LRMDA: variants seen among roughly 807,000 people sequenced by gnomAD.
The protein encoded by LRMDA is leucine rich melanocyte differentiation associated.
LRMDA carries 18 observed loss-of-function variants against 29.8 expected under a neutral mutation model. The observed-to-expected ratio is 0.60, with a 90% CI of 0.42 to 0.90. The LOEUF is 0.90. Ranked by LOEUF, LRMDA falls within the 40% of genes least tolerant of loss-of-function variation. The pLI, the probability that LRMDA is intolerant of heterozygous loss-of-function variation, is 0.00. For missense variants in LRMDA, 273 were observed against 273.9 expected (o/e 1.00, Z 0.02); for synonymous variants, 125 against 109.4 (o/e 1.14, Z -0.89).
At chr10:76,000,782 C>T (rs1847549771) in intron 2 of LRMDA, among the ~76,000 whole-genome samples, 1 of 152,116 alleles carries the variant, frequency 6.6e-6, no homozygotes, top group Admixed American at 6.6e-5. Context: ...CCGTGCCCTG[C>T]ATTTGAGGGT....
rs147238424 is a variant in LRMDA at position 76,343,198 on chromosome 10, T to G, written c.601+18713T>G. Among the ~76,000 whole-genome samples the G allele has an allele frequency of 4.4e-3, 672 of 152,314 alleles. 5 individuals carry two copies. The highest frequency in any genetic ancestry group is 0.022 in the South Asian group (107 of 4,828). On this transcript the variant is annotated intron_variant, in intron 6 of 6. Coordinates refer to ENST00000611255, the MANE Select transcript of LRMDA (RefSeq NM_001305581.2). ...TGTTGCAGGGTATGGAAGTACTACTTTACTCTTACAGAAGTATATTTACAG... is the reference window on the plus strand; with the variant it reads ...TGTTGCAGGGTATGGAAGTACTACTGTACTCTTACAGAAGTATATTTACAG...
chr10:76,274,681 C>T (rs564626844), intron 5 of LRMDA, among the ~76,000 whole-genome samples: 45 of 152,250 alleles, frequency 3.0e-4, no homozygotes, highest in African/African-American at 9.9e-4. Context: ...AATGATGGAA[C>T]ATCTCTACTT....
intron 6 of LRMDA, among the ~76,000 whole-genome samples, chr10:76,540,065 G>A (rs114448260): frequency 0.015 from 2,298 of 150,412 alleles, 21 homozygotes; most frequent in African/African-American, 0.038. Flanking sequence ...CACACAACAT[G>A]TAGTATGTGT....
chr10:76,150,855 A>T (rs1850427365), intron 5 of LRMDA, among the ~76,000 whole-genome samples: 1 of 152,226 alleles, frequency 6.6e-6, no homozygotes, highest in African/African-American at 2.4e-5. Flanking sequence ...AAACTTTTAG[A>T]TAAGCGCCAA....
At chr10:75,489,875 A>G (rs144107012) in intron 2 of LRMDA, among the ~76,000 whole-genome samples, 110 of 152,326 alleles carry the variant, frequency 7.2e-4, no homozygotes, top group Middle Eastern at 3.4e-3. Flanking sequence ...ATGGGTAATA[A>G]GAATAATGGC....
chr10:76,227,447 T>G (rs1026962121), intron 5 of LRMDA, among the ~76,000 whole-genome samples: 4 of 152,202 alleles, frequency 2.6e-5, no homozygotes, highest in Admixed American at 2.6e-4. Flanking sequence ...ACGTGGGGCA[T>G]TGTACCTACC....
intron 5 of LRMDA, among the ~76,000 whole-genome samples, chr10:76,276,508 C>T (rs572051377): frequency 2.0e-5 from 3 of 152,148 alleles, no homozygotes; most frequent in African/African-American, 7.2e-5. Flanking sequence ...TTTTTTATAG[C>T]TTTTGTATCT....
chr10:75,786,008 G>A lies in LRMDA; in HGVS notation c.132-250000G>A, dbSNP rs547367577. ...TAGAATTCACAAACAAATATTTATCGGGCACATGCTGTGTTCAAGGCCCAC... is the reference window on the plus strand; with the variant it reads ...TAGAATTCACAAACAAATATTTATCAGGCACATGCTGTGTTCAAGGCCCAC... On this transcript the variant is annotated intron_variant, in intron 2 of 6. Transcript: ENST00000611255. 2.6e-5 allele frequency among the ~76,000 whole-genome samples: 4 copies of A among 152,098 alleles called. 1 individual carries two copies. Among genetic ancestry groups the A allele is most frequent in the South Asian group, 4.2e-4 (2 of 4,810 alleles).
At chr10:75,860,174 C>T (rs1277671721) in intron 2 of LRMDA, among the ~76,000 whole-genome samples, 5 of 152,070 alleles carry the variant, frequency 3.3e-5, no homozygotes, top group African/African-American at 9.7e-5. Flanking sequence ...ATGAGAGGAG[C>T]CCAAGAGGTC....
At chr10:75,954,715 A>G (rs1846635761) in intron 2 of LRMDA, among the ~76,000 whole-genome samples, 2 of 152,200 alleles carry the variant, frequency 1.3e-5, no homozygotes, top group Admixed American at 1.3e-4. Flanking sequence ...TCCTGGTAAG[A>G]TTGAGAAAGT....
At chr10:76,489,815 A>G (rs907077845) in intron 6 of LRMDA, among the ~76,000 whole-genome samples, 6 of 150,974 alleles carry the variant, frequency 4.0e-5, no homozygotes, top group Admixed American at 6.6e-5. Flanking sequence ...AACAAACACT[A>G]TCTGTTCCCC....
At chr10:75,651,696 C>T (rs554808961) in intron 2 of LRMDA, among the ~76,000 whole-genome samples, 1 of 152,064 alleles carries the variant, frequency 6.6e-6, no homozygotes, top group Non-Finnish European at 1.5e-5. Flanking sequence ...TCCCGGTGGC[C>T]CAAAAGGAAG....
chr10:76,154,042 A>G (rs942219926), intron 5 of LRMDA, among the ~76,000 whole-genome samples: 6 of 152,366 alleles, frequency 3.9e-5, no homozygotes, highest in South Asian at 2.1e-4. Flanking sequence ...GATATGACAC[A>G]TTTGCCATTC....
At chr10:76,013,422 G>T (rs532738282) in intron 2 of LRMDA, among the ~76,000 whole-genome samples, 1 of 151,954 alleles carries the variant, frequency 6.6e-6, no homozygotes, top group African/African-American at 2.4e-5. Flanking sequence ...TCCCTTGTTT[G>T]ATTTCCCTAA....
intron 6 of LRMDA, among the ~76,000 whole-genome samples, chr10:76,507,554 T>TCCC: frequency 6.6e-6 from 1 of 152,150 alleles, no homozygotes; most frequent in East Asian, 1.9e-4. Context: ...GAGGTCTTAC[T>TCCC]CAAAAAATAT....
At chr10:75,903,319 A>G (rs943970478) in intron 2 of LRMDA, among the ~76,000 whole-genome samples, 2 of 152,178 alleles carry the variant, frequency 1.3e-5, no homozygotes, top group Admixed American at 6.5e-5. Context: ...GGGTGTCGGG[A>G]AGCACATCAG....
chr10:76,509,980 G>T (rs192069922), intron 6 of LRMDA, among the ~76,000 whole-genome samples: 1 of 152,312 alleles, frequency 6.6e-6, no homozygotes, highest in Non-Finnish European at 1.5e-5. Context: ...CAACCAGGCT[G>T]TGAAAGTAAC....
intron 2 of LRMDA, among the ~76,000 whole-genome samples, chr10:75,493,188 T>G (rs2132062340): frequency 6.6e-6 from 1 of 152,262 alleles, no homozygotes; most frequent in Non-Finnish European, 1.5e-5. Flanking sequence ...AATTTAAAAC[T>G]TTATCACCAA....
intron 2 of LRMDA, among the ~76,000 whole-genome samples, chr10:75,937,734 G>A (rs960385806): frequency 1.3e-5 from 2 of 152,198 alleles, no homozygotes; most frequent in African/African-American, 2.4e-5. Flanking sequence ...CGGAGCGGGC[G>A]TGTAAGGAAA....
Sources: gnomAD v4.1 joint callset for allele counts (sites outside exome capture counted in the v4.1 genomes callset) on GRCh38, gnomAD v4.1.1 for gene constraint, MANE v1.5 for transcripts, NCBI Gene and HGNC (gene_info 2026-07-23, HGNC 2026-07-21) for gene names.